The following SH2D4B variants were observed in gnomAD, a reference collection of about 807,000 sequenced individuals.
SH2D4B encodes SH2 domain containing 4B.
A neutral mutation model predicts 61.5 loss-of-function variants in SH2D4B; 45 were observed. The ratio of observed to expected loss-of-function variants is 0.73; its 90% CI spans 0.58 to 0.94. The LOEUF is 0.94. SH2D4B is among the 40% of genes least tolerant of loss of function. The pLI, the probability that SH2D4B is intolerant of heterozygous loss-of-function variation, is 0.00. For synonymous variants in SH2D4B, 224 were observed against 220.4 expected (o/e 1.02, Z -0.14); for missense variants, 572 against 574.2 (o/e 1.00, Z 0.04).
At chr10:80,541,924 A>G (rs961685599) in intron 1 of SH2D4B, among the ~76,000 whole-genome samples, 2 of 152,190 alleles carry the variant, frequency 1.3e-5, no homozygotes, top group African/African-American at 4.8e-5. Flanking sequence ...CACTCCTCTG[A>G]GCACATGGCA....
intron 1 of SH2D4B, among the ~76,000 whole-genome samples, chr10:80,565,826 C>A (rs565519474): frequency 1.3e-5 from 2 of 151,954 alleles, no homozygotes; most frequent in African/African-American, 4.8e-5. Context: ...CGTGGTGGCT[C>A]ACGCCTGTAA....
At chr10:80,556,721 A>G (rs1049094934) in intron 1 of SH2D4B, among the ~76,000 whole-genome samples, 2 of 152,218 alleles carry the variant, frequency 1.3e-5, no homozygotes, top group African/African-American at 4.8e-5. Flanking sequence ...ATACAGAAAT[A>G]CAATGGATTT....
chr10:80,571,910 C>G (rs1282376902), intron 3 of SH2D4B, among the ~76,000 whole-genome samples: 1 of 151,688 alleles, frequency 6.6e-6, no homozygotes, highest in African/African-American at 2.4e-5. Flanking sequence ...GTAGCTGGGA[C>G]TACAGGTGCC....
intron 6 of SH2D4B, among the ~76,000 whole-genome samples, chr10:80,633,182 G>A (rs2132161194): frequency 6.6e-6 from 1 of 151,952 alleles, no homozygotes; most frequent in East Asian, 2.0e-4. Flanking sequence ...AGCCTCTCAG[G>A]GTCATGGAGA....
intron 6 of SH2D4B, among the ~76,000 whole-genome samples, chr10:80,618,688 C>T (rs969309419): frequency 3.9e-5 from 6 of 152,116 alleles, no homozygotes; most frequent in Non-Finnish European, 8.8e-5. Flanking sequence ...GCCGTTGAGG[C>T]GTAGCTGCGG....
At chr10:80,550,001 G>A (rs2132105833) in intron 1 of SH2D4B, among the ~76,000 whole-genome samples, 1 of 150,560 alleles carries the variant, frequency 6.6e-6, no homozygotes, top group East Asian at 2.0e-4. Flanking sequence ...ATAATTAATT[G>A]TCAGCTTTGA....
At chr10:80,606,318 T>G (rs912223404) in intron 5 of SH2D4B, among the ~76,000 whole-genome samples, 5 of 151,974 alleles carry the variant, frequency 3.3e-5, no homozygotes, top group African/African-American at 9.7e-5. Flanking sequence ...TTAATAAAAT[T>G]TATTTAATTG....
intron 1 of SH2D4B, among the ~76,000 whole-genome samples, chr10:80,549,315 C>G (rs1841727085): frequency 1.3e-5 from 2 of 152,070 alleles, no homozygotes; most frequent in East Asian, 3.9e-4. Flanking sequence ...TCTGTTCCAT[C>G]TGCCTGGACC....
intron 4 of SH2D4B, among the ~76,000 whole-genome samples, chr10:80,598,310 A>C (rs749110042): frequency 6.6e-6 from 1 of 152,226 alleles, no homozygotes; most frequent in Non-Finnish European, 1.5e-5. Context: ...ATGGGACGGA[A>C]AGTTAAGAGC....
At chr10:80,541,447 G>C (rs1841577734) in intron 1 of SH2D4B, among the ~76,000 whole-genome samples, 1 of 151,994 alleles carries the variant, frequency 6.6e-6, no homozygotes, top group Admixed American at 6.6e-5. Context: ...TTTTTCTGAA[G>C]GAAGCACCTG....
At chr10:80,546,340 G>A (rs529707601) in intron 1 of SH2D4B, among the ~76,000 whole-genome samples, 2 of 152,028 alleles carry the variant, frequency 1.3e-5, no homozygotes, top group East Asian at 1.9e-4. Flanking sequence ...GAGCCACTGC[G>A]CTGGCCACTC....
At chr10:80,601,686 T>C (rs1396999483) in intron 4 of SH2D4B, among the ~76,000 whole-genome samples, 1 of 152,250 alleles carries the variant, frequency 6.6e-6, no homozygotes. Flanking sequence ...TCATGCTGCC[T>C]TCTTCAGATC....
intron 7 of SH2D4B, among the ~76,000 whole-genome samples, chr10:80,642,332 T>C (rs1840321581): frequency 6.6e-6 from 1 of 152,214 alleles, no homozygotes; most frequent in Non-Finnish European, 1.5e-5. Context: ...GAATGCAGTT[T>C]TAAAAAGCAT....
intron 1 of SH2D4B, among the ~76,000 whole-genome samples, chr10:80,544,988 C>T (rs145110645): frequency 9.2e-5 from 14 of 152,300 alleles, no homozygotes; most frequent in Non-Finnish European, 1.9e-4. Flanking sequence ...CACTGGTCAC[C>T]CACTCGCAAT....
chr10:80,631,832 G>A (rs193183767), intron 6 of SH2D4B, among the ~76,000 whole-genome samples: 5 of 152,286 alleles, frequency 3.3e-5, no homozygotes, highest in Non-Finnish European at 7.3e-5. Context: ...GTTGGTCAAA[G>A]GACATAACAT....
intron 7 of SH2D4B, among the ~76,000 whole-genome samples, chr10:80,639,672 G>A (rs548153049): frequency 1.3e-5 from 2 of 152,244 alleles, no homozygotes; most frequent in South Asian, 2.1e-4. Flanking sequence ...GCCTATGTGT[G>A]TCTCTGCATG....
rs1300022123 is a variant in SH2D4B, at chr10:80,596,137, A to AT, written c.643+7366dup. 9.8e-5 allele frequency among the ~76,000 whole-genome samples: 15 copies of AT among 152,322 alleles called. No homozygotes were observed. In the South Asian group the frequency reaches 2.5e-3, roughly 25 times the overall value. On this transcript the variant is annotated intron_variant, in intron 4 of 7. Transcript: ENST00000646907. Reference sequence around the variant, plus strand: ...AAATGCAACATTGTGGTCAAAGCTCATTTTTTATCTGGGGCAAGCTCCTAG... The same window carrying AT: ...AAATGCAACATTGTGGTCAAAGCTCATTTTTTTATCTGGGGCAAGCTCCTAG...
chr10:80,560,146 C>T (rs1366945170), intron 1 of SH2D4B, among the ~76,000 whole-genome samples: 1 of 151,646 alleles, frequency 6.6e-6, no homozygotes, highest in African/African-American at 2.4e-5. Flanking sequence ...CGCCACCTCG[C>T]CCGGCTAATT....
intron 3 of SH2D4B, among the ~76,000 whole-genome samples, chr10:80,588,242 A>G (rs1842282636): frequency 1.3e-5 from 2 of 152,190 alleles, no homozygotes; most frequent in Admixed American, 6.5e-5. Context: ...ACAATGTGTA[A>G]GAAAACAGAA....
Sources: allele counts gnomAD v4.1 joint callset (sites outside exome capture counted in the v4.1 genomes callset), GRCh38; gene constraint gnomAD v4.1.1; transcripts MANE v1.5; gene names NCBI Gene and HGNC (gene_info 2026-07-23, HGNC 2026-07-21).